The following PRKCA variants were observed in gnomAD, a reference collection of about 807,000 sequenced individuals.
PRKCA encodes the protein protein kinase C alpha type.
In PRKCA, 27 loss-of-function variants were observed where a neutral mutation model predicts 87.0. The observed-to-expected ratio is 0.31, with a 90% CI of 0.23 to 0.43. The LOEUF (loss-of-function observed/expected upper bound fraction) is 0.43, where lower values mean the gene tolerates loss of function less well. PRKCA is among the 20% of genes least tolerant of loss of function. PRKCA has a pLI of 1.00. For synonymous variants in PRKCA, 329 were observed against 311.1 expected, an observed-to-expected ratio of 1.06 and a Z score of -0.61; for missense variants, 518 against 852.3, an observed-to-expected ratio of 0.61 and a Z score of 4.88.
chr17:66,306,075 G>A, intron 1 of PRKCA, 21 bp from the exon 2 acceptor site: 1 of 1,610,394 alleles, frequency 6.2e-7, no homozygotes. Flanking sequence ...AAGATATTTT[G>A]TTCTTGTTTT....
At chr17:66,583,416 T>C (rs78578469) in intron 3 of PRKCA, among the ~76,000 whole-genome samples, 3,200 of 152,236 alleles carry the variant, frequency 0.021, 113 homozygotes, top group East Asian at 0.15. Context: ...GACAATCAAG[T>C]CTTAAGTGCT....
intron 3 of PRKCA, among the ~76,000 whole-genome samples, chr17:66,617,069 G>A (rs918594487): frequency 2.6e-5 from 4 of 152,168 alleles, no homozygotes; most frequent in Non-Finnish European, 5.9e-5. Context: ...CTCTGGAAAA[G>A]TGACACAAAA....
At chr17:66,497,451 G>A (rs983463665) in intron 3 of PRKCA, among the ~76,000 whole-genome samples, 2 of 150,222 alleles carry the variant, frequency 1.3e-5, no homozygotes, top group South Asian at 2.1e-4. Flanking sequence ...AGCTGATATC[G>A]CACCACTGCA....
At chr17:66,615,402 T>C (rs908721522) in intron 3 of PRKCA, among the ~76,000 whole-genome samples, 24 of 152,152 alleles carry the variant, frequency 1.6e-4, no homozygotes, top group African/African-American at 5.1e-4. Flanking sequence ...GCTCTGAAGA[T>C]AGCACTTGGG....
chr17:66,304,515 A>C (rs1256135979), intron 1 of PRKCA, among the ~76,000 whole-genome samples: 2 of 152,132 alleles, frequency 1.3e-5, no homozygotes, highest in Non-Finnish European at 2.9e-5. Context: ...GGGGAGCTGC[A>C]CAGGGTGGCA....
intron 3 of PRKCA, among the ~76,000 whole-genome samples, chr17:66,523,550 C>T (rs1203389211): frequency 6.6e-6 from 1 of 152,144 alleles, no homozygotes; most frequent in African/African-American, 2.4e-5. Flanking sequence ...AGTAATCATT[C>T]AGTAAATATT....
At chr17:66,761,712 C>A (rs1421513929) in intron 13 of PRKCA, among the ~76,000 whole-genome samples, 1 of 152,094 alleles carries the variant, frequency 6.6e-6, no homozygotes, top group Non-Finnish European at 1.5e-5. Context: ...ATGTGAGCCA[C>A]TGTGCCCGGC....
chr17:66,566,483 T>G (rs1024375018), intron 3 of PRKCA, among the ~76,000 whole-genome samples: 3 of 143,928 alleles, frequency 2.1e-5, no homozygotes, highest in Non-Finnish European at 4.5e-5. Context: ...TTTTTTGGTT[T>G]TTTTTTTTTT....
chr17:66,687,664 C>T (rs935264749), intron 6 of PRKCA, among the ~76,000 whole-genome samples: 7 of 152,078 alleles, frequency 4.6e-5, no homozygotes, highest in Non-Finnish European at 5.9e-5. Context: ...GAGTGAGTAA[C>T]ATAGAAAGTG....
intron 3 of PRKCA, among the ~76,000 whole-genome samples, chr17:66,590,457 T>C (rs1969765957): frequency 6.6e-6 from 1 of 152,192 alleles, no homozygotes; most frequent in Non-Finnish European, 1.5e-5. Context: ...TCGGCCACTG[T>C]GAAGCTCTGT....
At chr17:66,362,516 GC>G (rs1908446437) in intron 2 of PRKCA, among the ~76,000 whole-genome samples, 1 of 152,106 alleles carries the variant, frequency 6.6e-6, no homozygotes, top group African/African-American at 2.4e-5. Context: ...GTTGTTGGAT[GC>G]CTTCACTGGA....
At chr17:66,396,753 A>G (rs536649251) in intron 2 of PRKCA, among the ~76,000 whole-genome samples, 84 of 147,232 alleles carry the variant, frequency 5.7e-4, no homozygotes, top group Middle Eastern at 7.6e-3. Context: ...CTCAGCCTCC[A>G]AAGTAGCTGA....
chr17:66,450,576 A>T (rs1009960539), intron 2 of PRKCA, among the ~76,000 whole-genome samples: 1 of 145,802 alleles, frequency 6.9e-6, no homozygotes, highest in Non-Finnish European at 1.5e-5. Flanking sequence ...GGGAGGAAAC[A>T]GAAAGCTGCG....
intron 2 of PRKCA, among the ~76,000 whole-genome samples, chr17:66,379,641 G>C (rs530853601): frequency 6.6e-6 from 1 of 152,190 alleles, no homozygotes; most frequent in East Asian, 1.9e-4. Flanking sequence ...TTGCCTGTTC[G>C]GTTTTGGATT....
chr17:66,715,682 A>T (rs938140489), intron 8 of PRKCA, among the ~76,000 whole-genome samples: 4 of 152,226 alleles, frequency 2.6e-5, no homozygotes, highest in African/African-American at 9.6e-5. Flanking sequence ...GGCATTTTGC[A>T]AAGTCCTGGC....
In PRKCA at chr17:66,578,197, C is replaced by G. The variant is rs538793950; in HGVS notation, c.289-63158C>G. ...TCTCCCTTTGATATTTGCCTTTCATCTCGTCTGTCCCAGGGTCGGGGCATC... is the reference window on the plus strand; with the variant it reads ...TCTCCCTTTGATATTTGCCTTTCATGTCGTCTGTCCCAGGGTCGGGGCATC... On this transcript the variant is annotated intron_variant, in intron 3 of 16. Transcript: ENST00000413366. 4.6e-5 allele frequency among the ~76,000 whole-genome samples: 7 copies of G among 151,186 alleles called. No individual in the cohort carries two copies. The East Asian group carries it at 1.4e-3, about 29-fold the overall frequency.
intron 2 of PRKCA, among the ~76,000 whole-genome samples, chr17:66,356,489 G>C (rs1315739492): frequency 6.6e-6 from 1 of 152,062 alleles, no homozygotes; most frequent in African/African-American, 2.4e-5. Context: ...CAAAAAATTA[G>C]CCGGGCGTGG....
intron 5 of PRKCA, among the ~76,000 whole-genome samples, chr17:66,685,062 A>G (rs1972589404): frequency 6.6e-6 from 1 of 152,162 alleles, no homozygotes; most frequent in African/African-American, 2.4e-5. Flanking sequence ...CCAGTGACCA[A>G]GTCCCCTGGG....
chr17:66,381,124 T>G (rs1041619713), intron 2 of PRKCA, among the ~76,000 whole-genome samples: 4 of 151,976 alleles, frequency 2.6e-5, no homozygotes, highest in Admixed American at 6.6e-5. Flanking sequence ...ATTTTTTTTG[T>G]AGAGCTGGGG....
Sources: allele counts gnomAD v4.1 joint callset (sites outside exome capture counted in the v4.1 genomes callset), GRCh38; gene constraint gnomAD v4.1.1; transcripts MANE v1.5; gene names NCBI Gene and HGNC (gene_info 2026-07-23, HGNC 2026-07-21).